The following TARS3 variants were observed in gnomAD, a reference collection of about 807,000 sequenced individuals.
TARS3 encodes the protein threonyl-tRNA synthetase 3.
A neutral mutation model predicts 103.5 loss-of-function variants in TARS3; 94 were observed. The ratio of observed to expected loss-of-function variants is 0.91; its 90% CI spans 0.77 to 1.08. The LOEUF is 1.08. Among genes scored for constraint, TARS3 ranks in the 50% least tolerant of loss-of-function variants. The pLI, the probability that TARS3 is intolerant of heterozygous loss-of-function variation, is 0.00. For missense variants in TARS3, 952 were observed against 995.2 expected (o/e 0.96, Z 0.58); for synonymous variants, 416 against 355.4 (o/e 1.17, Z -1.92).
At chr15:101,693,463 C>T (rs1379351304) in intron 10 of TARS3, among the ~76,000 whole-genome samples, 2 of 152,114 alleles carry the variant, frequency 1.3e-5, no homozygotes, top group East Asian at 3.9e-4. Flanking sequence ...CCACCCCTGA[C>T]CCTTGGGGAT....
chr15:101,668,441 G>A (rs1897666267), intron 15 of TARS3, among the ~76,000 whole-genome samples: 1 of 152,030 alleles, frequency 6.6e-6, no homozygotes, highest in Non-Finnish European at 1.5e-5. Context: ...AGTTCATGGT[G>A]CCCCCTAAAA....
chr15:101,700,643 CTT>C (rs756944000), intron 10 of TARS3, among the ~76,000 whole-genome samples: 4,487 of 145,070 alleles, frequency 0.031, 95 homozygotes, highest in Non-Finnish European at 0.049. Context: ...TAGTACCTCA[CTT>C]TTTTTTTTTT....
intron 6 of TARS3, among the ~76,000 whole-genome samples, chr15:101,707,545 A>G (rs554769785): frequency 2.0e-5 from 3 of 152,338 alleles, no homozygotes; most frequent in South Asian, 4.1e-4. Context: ...TTAAAATATT[A>G]AAATATGGAT....
rs1009416193 is a variant in TARS3, at chr15:101,661,700, CA to C, written c.2072+11del. Reference sequence around the variant, plus strand: ...TAATAGACATATAGTTTTTCTTTTCCATATCACTTACCATTTTCCGCCATAG... The same window carrying C: ...TAATAGACATATAGTTTTTCTTTTCCTATCACTTACCATTTTCCGCCATAG... On this transcript the variant is annotated intron_variant, in intron 16 of 18. Coordinates refer to ENST00000335968, the MANE Select transcript of TARS3 (RefSeq NM_152334.3). The C allele has an allele frequency of 3.9e-6, 6 of 1,521,640 alleles. No individual in the cohort carries two copies. Among genetic ancestry groups the C allele is most frequent in the Non-Finnish European group, 4.5e-6 (5 of 1,103,626 alleles). 94.3% of individuals were successfully genotyped at this position (1,521,640 alleles called of 1,614,324 possible).
In TARS3 at chr15:101,714,916, A is replaced by C; in HGVS notation, c.614T>G (p.Leu205Arg). 6.2e-7 allele frequency: 1 copy of C among 1,613,108 alleles called. No homozygotes were observed. The highest frequency in any genetic ancestry group is 8.5e-7 in the Non-Finnish European group (1 of 1,179,376). ...STVIAKVNGELWDLDRPLEGD... is the reference protein window; with the variant it reads ...STVIAKVNGERWDLDRPLEGD... Reference sequence around the variant, plus strand: ...TTCCAATGGGCGGTCCAGGTCCCACAGTTCACCATTGACTTTGGCTATTAC... The same window carrying C: ...TTCCAATGGGCGGTCCAGGTCCCACCGTTCACCATTGACTTTGGCTATTAC... Residue 205 changes from leucine to arginine, a missense_variant, in exon 4 of 19, where the codon CTG (leucine) becomes CGG (arginine). Leu to Arg is a moderately radical substitution (Grantham distance 102). This residue lies in a region of TARS3 where 412 missense variants were observed against 364.2 expected (regional missense o/e 1.13). Coordinates refer to ENST00000335968, the MANE Select transcript of TARS3 (RefSeq NM_152334.3).
intron 7 of TARS3, among the ~76,000 whole-genome samples, chr15:101,704,753 A>G (rs1899467276): frequency 6.6e-6 from 1 of 152,188 alleles, no homozygotes; most frequent in Non-Finnish European, 1.5e-5. Flanking sequence ...AAAACTACAA[A>G]AAGTGTCAAT....
At chr15:101,681,394 C>A (rs1421252479) in intron 12 of TARS3, among the ~76,000 whole-genome samples, 1 of 152,202 alleles carries the variant, frequency 6.6e-6, no homozygotes, top group Non-Finnish European at 1.5e-5. Flanking sequence ...AATATTTAGT[C>A]TTCCAAACCA....
chr15:101,712,016 C>T lies in TARS3; in HGVS notation c.691-15G>A. On this transcript the variant is annotated splice_polypyrimidine_tract_variant and intron_variant, in intron 4 of 18. Transcript: ENST00000335968. ...TGCCAGTACACCTGCATGGCATGGA[C>T]AAAGAGGCCATTAGCTACCAAAAGT... The T allele has an allele frequency of 6.2e-7, 1 of 1,602,070 alleles. No homozygotes were observed. The highest frequency in any genetic ancestry group is 8.5e-7 in the Non-Finnish European group (1 of 1,175,518).
chr15:101,674,871 T>A (rs972505022), intron 13 of TARS3, among the ~76,000 whole-genome samples: 2 of 151,936 alleles, frequency 1.3e-5, no homozygotes, highest in African/African-American at 2.4e-5. Flanking sequence ...CATGAACAGA[T>A]ACGTGTCCTT....
At chr15:101,667,682 T>C (rs1897634421) in intron 15 of TARS3, among the ~76,000 whole-genome samples, 1 of 152,154 alleles carries the variant, frequency 6.6e-6, no homozygotes, top group South Asian at 2.1e-4. Context: ...ATGATTCTCC[T>C]GCCTCAGCCT....
intron 17 of TARS3, 115 bp from the exon 18 acceptor site, chr15:101,657,151 C>T (rs937181240): frequency 3.1e-6 from 2 of 651,730 alleles, no homozygotes; most frequent in South Asian, 2.0e-5. Context: ...GCTCACTATA[C>T]CAGAGCGGGT....
At chr15:101,685,697 A>G in intron 11 of TARS3, among the ~76,000 whole-genome samples, 199 bp downstream of exon 11, 1 of 152,236 alleles carries the variant, frequency 6.6e-6, no homozygotes, top group East Asian at 1.9e-4. Flanking sequence ...GTTACCAGCT[A>G]ACATCCCATA....
chr15:101,658,516 G>A (rs1211052766), intron 16 of TARS3, among the ~76,000 whole-genome samples: 1 of 152,166 alleles, frequency 6.6e-6, no homozygotes, highest in Admixed American at 6.5e-5. Context: ...TAGGAGGACA[G>A]GGTGGGATGG....
At chr15:101,693,598 T>C (rs946475544) in intron 10 of TARS3, among the ~76,000 whole-genome samples, 1 of 152,132 alleles carries the variant, frequency 6.6e-6, no homozygotes, top group Non-Finnish European at 1.5e-5. Context: ...CAAAAAACTG[T>C]ACATGAATGA....
chr15:101,724,322 G>T lies in TARS3; in HGVS notation c.66C>A (p.Ile22=). 1 of 1,566,108 alleles carries T rather than the reference G, an allele frequency of 6.4e-7. No individual in the cohort carries two copies. The change falls in exon 1 of 19, where the codon ATC becomes ATA. Residue 22 remains isoleucine (I), a synonymous_variant. Transcript: ENST00000335968. The part of the protein sequence containing the change: ...ASRLERQEED[I]RWLWSEVERL... ...GCTCGACCTCCGACCACAGCCAGCG[G>T]ATGTCCTCCTCCTGCCGCTCCAGGC...
At chr15:101,677,655 C>T (rs370685497) in intron 12 of TARS3, among the ~76,000 whole-genome samples, 22 of 151,994 alleles carry the variant, frequency 1.4e-4, no homozygotes, top group East Asian at 7.7e-4. Flanking sequence ...CATGCCACCA[C>T]GCCTGGCTAA....
intron 17 of TARS3, 55 bp from the exon 18 acceptor site, chr15:101,657,091 A>C (rs972770683): frequency 1.7e-6 from 2 of 1,188,740 alleles, no homozygotes; most frequent in Non-Finnish European, 2.5e-6. Context: ...GCCTCCAAGA[A>C]GACCCCGTTG....
intron 10 of TARS3, among the ~76,000 whole-genome samples, chr15:101,697,586 C>A (rs1489990683): frequency 1.3e-5 from 2 of 152,082 alleles, no homozygotes; most frequent in Non-Finnish European, 1.5e-5. Flanking sequence ...AAAAATGAAA[C>A]CTTCTTATCC....
chr15:101,686,168 T>A, intron 10 of TARS3, 106 bp from the exon 11 acceptor site: 3 of 1,024,448 alleles, frequency 2.9e-6, no homozygotes, highest in Non-Finnish European at 4.2e-6. Context: ...ATGTCCTATA[T>A]TAATTCATGA....
Sources: gnomAD v4.1 joint callset for allele counts (sites outside exome capture counted in the v4.1 genomes callset) on GRCh38, gnomAD v4.1.1 for gene constraint, gnomAD v4.1.1 regional missense constraint, MANE v1.5 for transcripts, NCBI Gene and HGNC (gene_info 2026-07-23, HGNC 2026-07-21) for gene names.